PPP1R13B: variants seen among roughly 807,000 people sequenced by gnomAD.
PPP1R13B encodes the protein apoptosis-stimulating of p53 protein 1.
Under a neutral mutation model 119.8 loss-of-function variants are expected in PPP1R13B, and 44 were observed. The observed-to-expected ratio is 0.37, with a 90% CI of 0.29 to 0.47. The LOEUF (loss-of-function observed/expected upper bound fraction) is 0.47, where lower values mean the gene tolerates loss of function less well. Ranked by LOEUF, PPP1R13B falls within the 20% of genes least tolerant of loss-of-function variation. The pLI is 0.99. For synonymous variants in PPP1R13B, 542 were observed against 561.5 expected, an observed-to-expected ratio of 0.97 and a Z score of 0.49; for missense variants, 1,227 against 1,413.5, an observed-to-expected ratio of 0.87 and a Z score of 2.12.
intron 1 of PPP1R13B, among the ~76,000 whole-genome samples, chr14:103,837,352 T>G (rs1008239836): frequency 6.6e-6 from 1 of 152,214 alleles, no homozygotes; most frequent in Admixed American, 6.6e-5. Flanking sequence ...ATGGCAGGCA[T>G]CTATCTCAAG....
Position 103,737,820 on chromosome 14 carries a change from G to A in PPP1R13B, c.2905C>T (p.Leu969Phe), listed in dbSNP as rs1458141084. The A allele has an allele frequency of 7.4e-6, 12 of 1,614,072 alleles. No individual in the cohort carries two copies. The highest frequency in any genetic ancestry group is 1.0e-5 in the Non-Finnish European group (12 of 1,180,038). The change falls in exon 15 of 17, where the codon CTC (leucine) becomes TTC (phenylalanine). Residue 969 changes from leucine (L) to phenylalanine (F), a missense_variant. By Grantham distance (22) the Leu-to-Phe change is conservative. Transcript: ENST00000202556. ...HCAASCNSVH[L>F]CKQLVESGAA... ...CCACTCTCCACCAGCTGTTTGCAGA[G>A]GTGAACGCTGTTACAAGAGGCAGCG... is the stretch of plus-strand genomic sequence containing the variant.
intron 4 of PPP1R13B, among the ~76,000 whole-genome samples, chr14:103,768,905 G>A (rs1315055358): frequency 2.0e-5 from 3 of 151,982 alleles, no homozygotes; most frequent in African/African-American, 7.3e-5. Context: ...TTTTATACAT[G>A]TACATATATT....
intron 1 of PPP1R13B, among the ~76,000 whole-genome samples, chr14:103,809,189 C>T (rs1484119907): frequency 6.6e-6 from 1 of 152,124 alleles, no homozygotes; most frequent in African/African-American, 2.4e-5. Context: ...AGCATCTACT[C>T]AAAGTTAAAT....
intron 1 of PPP1R13B, among the ~76,000 whole-genome samples, chr14:103,835,616 AT>A (rs35377630): frequency 1.4e-5 from 2 of 147,656 alleles, no homozygotes; most frequent in Admixed American, 6.7e-5. Context: ...TTATTTATTT[AT>A]TTTTTTTTTG....
At chr14:103,749,548 G>A (rs1479967395) in intron 8 of PPP1R13B, among the ~76,000 whole-genome samples, 4 of 152,174 alleles carry the variant, frequency 2.6e-5, no homozygotes, top group African/African-American at 9.7e-5. Context: ...GAAACACATG[G>A]GGAGGAAGGA....
In PPP1R13B at chr14:103,735,123, GGCAAGACCAT is replaced by G; in HGVS notation, c.*21_*30del. 6.2e-7 allele frequency: 1 copy of G among 1,613,552 alleles called. No individual in the cohort carries two copies. Among genetic ancestry groups the G allele is most frequent in the Non-Finnish European group, 8.5e-7 (1 of 1,179,474 alleles). On this transcript the variant is annotated 3_prime_UTR_variant, in exon 17 of 17. Transcript: ENST00000202556. ...ATCTCTTAAGTGGCTCCTGGTAGCT[GGCAAGACCAT>G]GCGGTGCTCCAAAAGGAAGTTCAGG...
At chr14:103,789,561 C>A (rs931746531) in intron 2 of PPP1R13B, among the ~76,000 whole-genome samples, 1 of 149,902 alleles carries the variant, frequency 6.7e-6, no homozygotes, top group Non-Finnish European at 1.5e-5. Context: ...CGTGCCCAGG[C>A]TAGAGTACAG....
rs1355462057 is a variant in PPP1R13B, at chr14:103,739,955, T to A, written c.2461A>T (p.Asn821Tyr). ...GTGGGGACCGTGGCCACGTTGTTGT[T>A]ATTGTCCTCTGCCGGCTCGGCAGTT... ...HQTAEPAEDN[N>Y]NNVATVPTTE... is the part of the protein sequence containing the mutation. Residue 821 changes from asparagine (N) to tyrosine (Y), a missense_variant, in exon 12 of 17, where the codon AAC (asparagine) becomes TAC (tyrosine). Physicochemically the swap from Asn to Tyr is moderately radical, Grantham distance 143. Coordinates refer to ENST00000202556, the MANE Select transcript of PPP1R13B (RefSeq NM_015316.3). 1 of 1,614,104 alleles carries A rather than the reference T, an allele frequency of 6.2e-7. No individual in the cohort carries two copies. The highest frequency in any genetic ancestry group is 1.7e-5 in the Admixed American group (1 of 60,026).
At chr14:103,812,951 T>C (rs538760241) in intron 1 of PPP1R13B, among the ~76,000 whole-genome samples, 1 of 152,118 alleles carries the variant, frequency 6.6e-6, no homozygotes, top group Non-Finnish European at 1.5e-5. Context: ...GAACTTGCAG[T>C]TGGGAATACA....
At chr14:103,811,306 G>C (rs1280940211) in intron 1 of PPP1R13B, among the ~76,000 whole-genome samples, 1 of 151,960 alleles carries the variant, frequency 6.6e-6, no homozygotes, top group Non-Finnish European at 1.5e-5. Context: ...ATATATAACA[G>C]TTATTAAGAG....
intron 1 of PPP1R13B, among the ~76,000 whole-genome samples, chr14:103,821,965 C>T (rs1595822988): frequency 6.6e-6 from 1 of 152,188 alleles, no homozygotes; most frequent in Non-Finnish European, 1.5e-5. Context: ...ACTAAATATG[C>T]TGCTTTTGAG....
At chr14:103,768,965 T>C (rs1250862348) in intron 4 of PPP1R13B, among the ~76,000 whole-genome samples, 5 of 152,248 alleles carry the variant, frequency 3.3e-5, no homozygotes, top group Non-Finnish European at 1.5e-5. Context: ...AGACCAAATG[T>C]CTAGTATCTT....
In PPP1R13B at chr14:103,757,716, C is replaced by T; in HGVS notation, c.390G>A (p.Glu130=). The change falls in exon 5 of 17, where the codon GAG becomes GAA. Residue 130 remains glutamate, a synonymous_variant. Transcript: ENST00000202556. ...GTTGCCTAGCTGCCATATCTTGGAGCTCTGAGAGGGTAAGTTCAACACGTG... is the reference window on the plus strand; with the variant it reads ...GTTGCCTAGCTGCCATATCTTGGAGTTCTGAGAGGGTAAGTTCAACACGTG... ...GNPRVELTLS[E]LQDMAARQQQ... The T allele has an allele frequency of 1.9e-6, 3 of 1,614,076 alleles. No individual in the cohort carries two copies. The highest frequency in any genetic ancestry group is 8.5e-7 in the Non-Finnish European group (1 of 1,179,974).
chr14:103,797,734 A>G (rs56971743), intron 1 of PPP1R13B, among the ~76,000 whole-genome samples: 8,445 of 152,020 alleles, frequency 0.056, 253 homozygotes, highest in Middle Eastern at 0.11. Flanking sequence ...AATAGAAAAG[A>G]AAGAGCACTA....
chr14:103,775,465 G>C (rs75824136), intron 4 of PPP1R13B, among the ~76,000 whole-genome samples: 1 of 152,040 alleles, frequency 6.6e-6, no homozygotes, highest in Admixed American at 6.6e-5. Flanking sequence ...AGTAGAGAGA[G>C]GGTTTCACCA....
rs537952683 is a variant in PPP1R13B at position 103,807,284 on chromosome 14, C to T, written c.10-9766G>A. On this transcript the variant is annotated intron_variant, in intron 1 of 16. Coordinates refer to ENST00000202556, the MANE Select transcript of PPP1R13B (RefSeq NM_015316.3). ...CTACCTAAAATAGCACTACTCCATC[C>T]CTCTGTCCTCCTACCCTGGTTTATG... Among the ~76,000 whole-genome samples the T allele has an allele frequency of 4.6e-5, 7 of 152,268 alleles. No individual in the cohort carries two copies. The South Asian group carries it at 1.5e-3, about 32-fold the overall frequency.
At chr14:103,779,310 A>T (rs758281642) in intron 3 of PPP1R13B, among the ~76,000 whole-genome samples, 17 of 152,160 alleles carry the variant, frequency 1.1e-4, no homozygotes, top group Non-Finnish European at 2.2e-4. Flanking sequence ...CTGTTTAAAA[A>T]AAATAAATTA....
At chr14:103,769,098 T>G (rs55666420) in intron 4 of PPP1R13B, among the ~76,000 whole-genome samples, 76 of 152,302 alleles carry the variant, frequency 5.0e-4, no homozygotes, top group African/African-American at 1.8e-3. Context: ...TTTCTTTCTG[T>G]TTTTTGAGAT....
At chr14:103,817,918 A>G (rs763870173) in intron 1 of PPP1R13B, among the ~76,000 whole-genome samples, 2 of 152,188 alleles carry the variant, frequency 1.3e-5, no homozygotes, top group Non-Finnish European at 2.9e-5. Flanking sequence ...TGAACATTAA[A>G]AAAAAAAACC....
Sources: gnomAD v4.1 joint callset for allele counts (sites outside exome capture counted in the v4.1 genomes callset) on GRCh38, gnomAD v4.1.1 for gene constraint, MANE v1.5 for transcripts, NCBI Gene and HGNC (gene_info 2026-07-23, HGNC 2026-07-21) for gene names.